CNTNAP2: variants seen among roughly 807,000 people sequenced by gnomAD.
CNTNAP2 encodes contactin-associated protein-like 2.
Under a neutral mutation model 155.2 loss-of-function variants are expected in CNTNAP2, and 98 were observed. The observed-to-expected ratio is 0.63, with a 90% confidence interval of 0.54 to 0.75. The LOEUF (loss-of-function observed/expected upper bound fraction) is 0.75, where lower values mean the gene tolerates loss of function less well. Ranked by LOEUF, CNTNAP2 falls within the 30% of genes least tolerant of loss-of-function variation. CNTNAP2 has a pLI of 0.00. For synonymous variants in CNTNAP2, 651 were observed against 631.2 expected (o/e 1.03, Z -0.47); for missense variants, 1,727 against 1,688.1 (o/e 1.02, Z -0.40).
intron 2 of CNTNAP2, among the ~76,000 whole-genome samples, chr7:146,834,015 A>G (rs986933720): frequency 9.2e-5 from 14 of 152,118 alleles, no homozygotes; most frequent in Non-Finnish European, 8.8e-5. Flanking sequence ...CTCCTTTTCA[A>G]TTTATTTTTT....
At chr7:147,418,235 G>T (rs1435838008) in intron 10 of CNTNAP2, among the ~76,000 whole-genome samples, 1 of 152,122 alleles carries the variant, frequency 6.6e-6, no homozygotes, top group Non-Finnish European at 1.5e-5. Flanking sequence ...ATTTCTGGTG[G>T]TTTTTGTTGT....
chr7:147,901,619 C>T (rs1462516832), intron 13 of CNTNAP2, among the ~76,000 whole-genome samples: 1 of 152,184 alleles, frequency 6.6e-6, no homozygotes, highest in Non-Finnish European at 1.5e-5. Context: ...CCTAGGAGGT[C>T]TTACCTCTCT....
intron 1 of CNTNAP2, among the ~76,000 whole-genome samples, chr7:146,638,477 T>TTTC (rs1274061445): frequency 0.38 from 27,174 of 71,908 alleles, 5,095 homozygotes; most frequent in South Asian, 0.51. Flanking sequence ...CAGGTGTTTC[T>TTTC]TTTTTTTTTT....
intron 18 of CNTNAP2, 30 bp downstream of exon 18, chr7:148,172,508 T>G: frequency 6.3e-7 from 1 of 1,581,902 alleles, no homozygotes; most frequent in South Asian, 1.1e-5. Flanking sequence ...CAGAGCCACT[T>G]TTGCGTGTCT....
At chr7:147,329,525 G>A (rs1159875347) in intron 9 of CNTNAP2, among the ~76,000 whole-genome samples, 1 of 152,078 alleles carries the variant, frequency 6.6e-6, no homozygotes, top group African/African-American at 2.4e-5. Context: ...TGGTGTATTT[G>A]TAACATAAGA....
intron 1 of CNTNAP2, among the ~76,000 whole-genome samples, chr7:146,329,993 T>A (rs1801156136): frequency 6.6e-6 from 1 of 151,432 alleles, no homozygotes; most frequent in Admixed American, 6.6e-5. Flanking sequence ...ATCTCATTTA[T>A]TGATTCAACA....
Position 146,862,802 on chromosome 7 carries a change from G to A in CNTNAP2, c.402+22898G>A, listed in dbSNP as rs896908621. 3.9e-5 allele frequency among the ~76,000 whole-genome samples: 6 copies of A among 152,216 alleles called. No individual in the cohort carries two copies. The East Asian group carries it at 5.8e-4, about 15-fold the overall frequency. Reference sequence around the variant, plus strand: ...GTGTGCAGCCAGACACATAAACATCGCCCTGTCTGTATGGTTCTTTATGGT... The same window carrying A: ...GTGTGCAGCCAGACACATAAACATCACCCTGTCTGTATGGTTCTTTATGGT... On this transcript the variant is annotated intron_variant, in intron 3 of 23. Transcript: ENST00000361727.
At chr7:147,120,889 C>T in intron 5 of CNTNAP2, 90 bp from the exon 6 acceptor site, 2 of 1,184,454 alleles carry the variant, frequency 1.7e-6, no homozygotes, top group Non-Finnish European at 2.5e-6. Context: ...GGAATGTCAG[C>T]CTCTAGGTGC....
At chr7:146,711,291 A>T (rs1801066627) in intron 1 of CNTNAP2, among the ~76,000 whole-genome samples, 1 of 146,406 alleles carries the variant, frequency 6.8e-6, no homozygotes, top group Non-Finnish European at 1.5e-5. Context: ...GAAAACATAA[A>T]CATACATATA....
chr7:148,005,178 T>C (rs1801953412), intron 15 of CNTNAP2, among the ~76,000 whole-genome samples: 1 of 152,060 alleles, frequency 6.6e-6, no homozygotes, highest in South Asian at 2.1e-4. Flanking sequence ...GGTCAGGCTC[T>C]GGTGAGGGCA....
chr7:148,078,327 G>A (rs1803535508), intron 15 of CNTNAP2, among the ~76,000 whole-genome samples: 1 of 121,136 alleles, frequency 8.3e-6, no homozygotes, highest in African/African-American at 3.3e-5. Flanking sequence ...ACCTTCCAAA[G>A]TTCTGCGATT....
chr7:146,771,444 G>T (rs1166730474), intron 1 of CNTNAP2, among the ~76,000 whole-genome samples: 4 of 152,162 alleles, frequency 2.6e-5, no homozygotes, highest in Non-Finnish European at 5.9e-5. Context: ...CAGAAAGTAG[G>T]AAAATCAAGG....
chr7:147,136,874 A>G (rs1230286828), intron 8 of CNTNAP2, among the ~76,000 whole-genome samples: 1 of 151,950 alleles, frequency 6.6e-6, no homozygotes, highest in East Asian at 1.9e-4. Flanking sequence ...ATTATTTCAA[A>G]ATGTCTTAAA....
At chr7:147,197,854 A>T (rs1802837432) in intron 8 of CNTNAP2, among the ~76,000 whole-genome samples, 1 of 152,206 alleles carries the variant, frequency 6.6e-6, no homozygotes, top group African/African-American at 2.4e-5. Flanking sequence ...TTCTTTCAGT[A>T]ACTTTTGTTT....
chr7:147,056,054 A>G (rs1799555637), intron 4 of CNTNAP2, among the ~76,000 whole-genome samples: 1 of 152,164 alleles, frequency 6.6e-6, no homozygotes, highest in South Asian at 2.1e-4. Context: ...TGTAAATTTG[A>G]TTTAACAATC....
chr7:146,794,358 G>A (rs1802729955), intron 2 of CNTNAP2, among the ~76,000 whole-genome samples: 1 of 152,126 alleles, frequency 6.6e-6, no homozygotes, highest in Non-Finnish European at 1.5e-5. Context: ...TATGTTTAGA[G>A]GGATTGATGA....
chr7:146,963,322 T>C (rs1344634399), intron 3 of CNTNAP2, among the ~76,000 whole-genome samples: 1 of 152,228 alleles, frequency 6.6e-6, no homozygotes, highest in Non-Finnish European at 1.5e-5. Flanking sequence ...TGAACAGTAA[T>C]TCTTTTGTCT....
intron 14 of CNTNAP2, among the ~76,000 whole-genome samples, chr7:147,912,473 T>C (rs1800084102): frequency 6.6e-6 from 1 of 152,148 alleles, no homozygotes; most frequent in Non-Finnish European, 1.5e-5. Context: ...GATGCCCTTA[T>C]GGAGAGATGG....
At chr7:146,474,022 T>A (rs1796837420) in intron 1 of CNTNAP2, among the ~76,000 whole-genome samples, 1 of 152,146 alleles carries the variant, frequency 6.6e-6, no homozygotes, top group Non-Finnish European at 1.5e-5. Flanking sequence ...CATTTTAATG[T>A]AGTTGGCTAG....
Sources: allele counts gnomAD v4.1 joint callset (sites outside exome capture counted in the v4.1 genomes callset), GRCh38; gene constraint gnomAD v4.1.1; transcripts MANE v1.5; gene names NCBI Gene and HGNC (gene_info 2026-07-23, HGNC 2026-07-21).